NBEA: variants seen among roughly 807,000 people sequenced by gnomAD.
NBEA encodes the protein lysosomal-trafficking regulator 2.
NBEA carries 44 observed loss-of-function variants against 343.4 expected under a neutral mutation model. The observed-to-expected ratio is 0.13, with a 90% CI of 0.10 to 0.16. NBEA has a LOEUF of 0.16. Among genes scored for constraint, NBEA ranks in the 10% least tolerant of loss-of-function variants. The pLI is 1.00. For missense variants in NBEA, 2,555 were observed against 3,631.3 expected, an observed-to-expected ratio of 0.70 and a Z score of 7.62; for synonymous variants, 1,175 against 1,238.7, an observed-to-expected ratio of 0.95 and a Z score of 1.08.
chr13:35,043,842 G>A (rs2062746787), intron 2 of NBEA, among the ~76,000 whole-genome samples: 2 of 151,712 alleles, frequency 1.3e-5, no homozygotes, highest in Admixed American at 1.3e-4. Flanking sequence ...TTATATATCA[G>A]TACTAAGTAT....
At chr13:35,418,507 TACC>T (rs1431149509) in intron 38 of NBEA, among the ~76,000 whole-genome samples, 1 of 152,014 alleles carries the variant, frequency 6.6e-6, no homozygotes, top group Admixed American at 6.6e-5. Flanking sequence ...GATGTTGTTT[TACC>T]ACAAGAATAT....
At chr13:35,242,628 C>G (rs554076438) in intron 34 of NBEA, among the ~76,000 whole-genome samples, 1 of 151,902 alleles carries the variant, frequency 6.6e-6, no homozygotes, top group South Asian at 2.1e-4. Flanking sequence ...CAAAGATAAT[C>G]TCAAAAGAAG....
chr13:35,501,322 C>A (rs9544464), intron 41 of NBEA, among the ~76,000 whole-genome samples: 17,220 of 152,108 alleles, frequency 0.11, 1,247 homozygotes, highest in East Asian at 0.43. Flanking sequence ...TGGAAAATAC[C>A]AGCTAAATGT....
chr13:35,069,824 A>G, intron 8 of NBEA, 84 bp from the exon 9 acceptor site: 1 of 944,742 alleles, frequency 1.1e-6, no homozygotes, highest in Non-Finnish European at 1.5e-6. Context: ...GTAGTTTATT[A>G]TTGTAAATGT....
chr13:35,141,284 C>A (rs372993834), intron 17 of NBEA, among the ~76,000 whole-genome samples: 1 of 151,592 alleles, frequency 6.6e-6, no homozygotes, highest in Non-Finnish European at 1.5e-5. Context: ...TTGTTTTTTT[C>A]TTGAGATGGA....
intron 35 of NBEA, among the ~76,000 whole-genome samples, chr13:35,301,395 G>A (rs1205289858): frequency 2.0e-5 from 3 of 151,510 alleles, no homozygotes; most frequent in Non-Finnish European, 4.4e-5. Flanking sequence ...GTGTCCATGT[G>A]TTCTCATTGT....
At chr13:35,084,760 C>G (rs1179052589) in intron 10 of NBEA, among the ~76,000 whole-genome samples, 1 of 151,910 alleles carries the variant, frequency 6.6e-6, no homozygotes, top group Non-Finnish European at 1.5e-5. Context: ...AATAGAGACA[C>G]AAAAAACCCT....
intron 21 of NBEA, 111 bp from the exon 22 acceptor site, chr13:35,158,905 T>G: frequency 9.8e-7 from 1 of 1,020,312 alleles, no homozygotes. Flanking sequence ...CTTTGAAGTC[T>G]TAAACTTTCT....
At chr13:35,167,039 T>TTA (rs1292495467) in intron 24 of NBEA, among the ~76,000 whole-genome samples, 4 of 151,840 alleles carry the variant, frequency 2.6e-5, no homozygotes, top group African/African-American at 9.7e-5. Flanking sequence ...GTAATTTTGT[T>TTA]TATATATATA....
intron 45 of NBEA, among the ~76,000 whole-genome samples, chr13:35,572,028 A>T (rs1253839721): frequency 6.6e-6 from 1 of 152,100 alleles, no homozygotes; most frequent in Non-Finnish European, 1.5e-5. Flanking sequence ...TTTATTTATT[A>T]TGTGTACAGG....
intron 33 of NBEA, among the ~76,000 whole-genome samples, chr13:35,215,695 C>A (rs1477435298): frequency 6.6e-6 from 1 of 151,562 alleles, no homozygotes; most frequent in Non-Finnish European, 1.5e-5. Context: ...CTCACATAAT[C>A]GATCTAACAC....
intron 34 of NBEA, among the ~76,000 whole-genome samples, chr13:35,237,518 A>ATC (rs1345243573): frequency 6.6e-6 from 1 of 152,178 alleles, no homozygotes; most frequent in Non-Finnish European, 1.5e-5. Flanking sequence ...AAGAAAATGT[A>ATC]TCAAAGCATT....
At chr13:35,264,875 A>G (rs1023498519) in intron 34 of NBEA, among the ~76,000 whole-genome samples, 2 of 151,860 alleles carry the variant, frequency 1.3e-5, no homozygotes, top group African/African-American at 4.8e-5. Context: ...AACGTAGTAG[A>G]AGTCCTGGAC....
intron 48 of NBEA, among the ~76,000 whole-genome samples, chr13:35,615,639 T>G (rs965977131): frequency 7.2e-5 from 11 of 152,122 alleles, no homozygotes; most frequent in Non-Finnish European, 1.3e-4. Flanking sequence ...GCCACCATGC[T>G]CGGCCCCATT....
intron 38 of NBEA, among the ~76,000 whole-genome samples, chr13:35,428,604 T>C (rs543809211): frequency 6.6e-6 from 1 of 152,334 alleles, no homozygotes; most frequent in East Asian, 1.9e-4. Context: ...AGAGTTTCTA[T>C]TTCTTTGCTA....
intron 17 of NBEA, among the ~76,000 whole-genome samples, chr13:35,136,915 C>T (rs984329654): frequency 6.6e-6 from 1 of 152,194 alleles, no homozygotes; most frequent in African/African-American, 2.4e-5. Context: ...GAAGACCCAA[C>T]AATTCATACA....
chr13:35,218,045 C>T (rs117385675), intron 33 of NBEA, among the ~76,000 whole-genome samples: 4,517 of 152,066 alleles, frequency 0.03, 100 homozygotes, highest in Non-Finnish European at 0.045. Flanking sequence ...AACTCAAAAA[C>T]ATTGCAGGAC....
At chr13:35,637,366 C>T (rs1340865098) in intron 49 of NBEA, among the ~76,000 whole-genome samples, 2 of 152,058 alleles carry the variant, frequency 1.3e-5, no homozygotes, top group South Asian at 2.1e-4. Context: ...CTACCACTGG[C>T]GTAGCTGCTA....
chr13:34,977,121 G>A (rs1262427048), intron 1 of NBEA, among the ~76,000 whole-genome samples: 1 of 151,676 alleles, frequency 6.6e-6, no homozygotes, highest in Non-Finnish European at 1.5e-5. Context: ...TGTATTTTTA[G>A]TAGAGATGAT....
Sources: allele counts gnomAD v4.1 joint callset (sites outside exome capture counted in the v4.1 genomes callset), GRCh38; gene constraint gnomAD v4.1.1; transcripts MANE v1.5; gene names NCBI Gene and HGNC (gene_info 2026-07-23, HGNC 2026-07-21).